PTPRD: variants seen among roughly 807,000 people sequenced by gnomAD.
The protein encoded by PTPRD is protein tyrosine phosphatase receptor type D.
A neutral mutation model predicts 214.5 loss-of-function variants in PTPRD; 34 were observed. That is an observed-to-expected ratio of 0.16 (90% CI 0.12 to 0.21). The LOEUF is 0.21. Among genes scored for constraint, PTPRD ranks in the 10% least tolerant of loss-of-function variants. The pLI is 1.00. For synonymous variants in PTPRD, 1,128 were observed against 845.7 expected (o/e 1.33, Z -5.79); for missense variants, 2,545 against 2,398.7 (o/e 1.06, Z -1.27).
At chr9:10,582,988 A>T (rs2132484515) in intron 2 of PTPRD, among the ~76,000 whole-genome samples, 1 of 152,366 alleles carries the variant, frequency 6.6e-6, no homozygotes, top group Middle Eastern at 3.4e-3. Context: ...AAAGAGCATG[A>T]ACTAATGTCT....
At chr9:8,894,513 G>A (rs531599354) in intron 11 of PTPRD, among the ~76,000 whole-genome samples, 20 of 152,230 alleles carry the variant, frequency 1.3e-4, no homozygotes, top group Non-Finnish European at 2.5e-4. Context: ...GTCAGAATGT[G>A]GGGGTTGGGG....
chr9:9,255,029 G>C (rs2099977126), intron 9 of PTPRD, among the ~76,000 whole-genome samples: 1 of 151,922 alleles, frequency 6.6e-6, no homozygotes. Context: ...AGATTTTGTG[G>C]CTACATAAAG....
intron 3 of PTPRD, among the ~76,000 whole-genome samples, chr9:10,058,221 G>C (rs1034901029): frequency 2.0e-5 from 3 of 151,932 alleles, no homozygotes; most frequent in African/African-American, 4.8e-5. Context: ...CCCCTTTTGA[G>C]TTATGTATTC....
chr9:8,699,419 C>T (rs924479090), intron 12 of PTPRD, among the ~76,000 whole-genome samples: 5 of 152,200 alleles, frequency 3.3e-5, no homozygotes, highest in African/African-American at 1.2e-4. Context: ...TCATGATAAG[C>T]ATTTGAGGAC....
At chr9:8,465,424 T>A (rs1053440138) in intron 32 of PTPRD, 42 bp downstream of exon 32, 1 of 1,560,156 alleles carries the variant, frequency 6.4e-7, no homozygotes, top group Non-Finnish European at 8.8e-7. Context: ...TGAAAATGTA[T>A]AAGCGTACCA....
At chr9:8,438,525 G>C (rs550915118) in intron 34 of PTPRD, among the ~76,000 whole-genome samples, 1 of 152,118 alleles carries the variant, frequency 6.6e-6, no homozygotes, top group Non-Finnish European at 1.5e-5. Context: ...GGAAGTGTGA[G>C]GGTGACAGTG....
At chr9:10,597,266 CA>C (rs1433956228) in intron 2 of PTPRD, among the ~76,000 whole-genome samples, 1 of 151,642 alleles carries the variant, frequency 6.6e-6, no homozygotes, top group Non-Finnish European at 1.5e-5. Context: ...AATTGTTTAT[CA>C]TATGCAAATA....
At position 9,119,884 on chromosome 9, in the gene PTPRD, T is replaced by C. The variant is rs2099815993; in HGVS notation, c.-143+63420A>G. On this transcript the variant is annotated intron_variant, in intron 10 of 45. Transcript: ENST00000381196. The stretch of plus-strand genomic sequence containing the variant: ...AGAAAGATGACTACACATGAAAGTG[T>C]ATTGTACTTGGGAGATGGACACCCT... Among the ~76,000 whole-genome samples, 5 of 152,004 alleles carry C rather than the reference T, an allele frequency of 3.3e-5. No individual in the cohort carries two copies. In the South Asian group the frequency reaches 1.0e-3, roughly 32 times the overall value.
intron 9 of PTPRD, among the ~76,000 whole-genome samples, chr9:9,199,436 A>G (rs1350681797): frequency 6.6e-6 from 1 of 152,186 alleles, no homozygotes; most frequent in Non-Finnish European, 1.5e-5. Context: ...CAGAAAACTC[A>G]AAGTCTGTAA....
At chr9:10,507,523 G>A (rs571177356) in intron 2 of PTPRD, among the ~76,000 whole-genome samples, 134 of 152,192 alleles carry the variant, frequency 8.8e-4, no homozygotes, top group African/African-American at 3.0e-3. Flanking sequence ...AAAGCTGGAG[G>A]AATCACGCTA....
At position 9,929,971 on chromosome 9, in the gene PTPRD, A is replaced by G. The variant is rs551240551; in HGVS notation, c.-368+8536T>C. On this transcript the variant is annotated intron_variant, in intron 5 of 45. Coordinates refer to ENST00000381196, the MANE Select transcript of PTPRD (RefSeq NM_002839.4). ...GAGATAATGGACAGTACTCATACTC[A>G]AGGTTATACTCATTTACCACCTAGT... 2.2e-4 allele frequency among the ~76,000 whole-genome samples: 33 copies of G among 152,298 alleles called. No homozygotes were observed. The South Asian group carries it at 6.2e-3, about 29-fold the overall frequency.
chr9:10,424,046 G>C (rs1234489471), intron 2 of PTPRD, among the ~76,000 whole-genome samples: 1 of 151,920 alleles, frequency 6.6e-6, no homozygotes, highest in Non-Finnish European at 1.5e-5. Flanking sequence ...TGTCCTGTTT[G>C]TTTCAGAAGC....
intron 14 of PTPRD, among the ~76,000 whole-genome samples, chr9:8,584,451 T>C (rs2093467268): frequency 7.2e-6 from 1 of 138,634 alleles, no homozygotes; most frequent in Non-Finnish European, 1.6e-5. Flanking sequence ...GATTAGTTAC[T>C]GAAAAAAAAA....
intron 35 of PTPRD, among the ~76,000 whole-genome samples, chr9:8,433,939 G>A (rs1042792184): frequency 6.6e-6 from 1 of 152,084 alleles, no homozygotes; most frequent in African/African-American, 2.4e-5. Context: ...AGTCTTGCAA[G>A]CTCCATTCAT....
intron 2 of PTPRD, among the ~76,000 whole-genome samples, chr9:10,385,072 T>C (rs7873950): frequency 0.84 from 127,572 of 151,802 alleles, 53,720 homozygotes; most frequent in East Asian, 0.9. Context: ...TATTTTTCAA[T>C]TTGGATTAGT....
chr9:9,003,590 A>C (rs2099434322), intron 11 of PTPRD, among the ~76,000 whole-genome samples: 1 of 152,048 alleles, frequency 6.6e-6, no homozygotes, highest in Non-Finnish European at 1.5e-5. Context: ...ATGCCAGTTA[A>C]ACAGTCATCT....
chr9:10,029,044 G>T (rs2096991864), intron 4 of PTPRD, among the ~76,000 whole-genome samples: 1 of 152,112 alleles, frequency 6.6e-6, no homozygotes, highest in South Asian at 2.1e-4. Flanking sequence ...GCTGAAAGGG[G>T]CCAACATAGA....
intron 8 of PTPRD, among the ~76,000 whole-genome samples, chr9:9,519,479 A>C (rs1314280154): frequency 6.6e-6 from 1 of 152,002 alleles, no homozygotes; most frequent in Admixed American, 6.6e-5. Flanking sequence ...GAATAAAGGC[A>C]TATATAATTG....
At chr9:8,449,864 A>C (rs932521970) in intron 33 of PTPRD, 27 bp from the exon 34 acceptor site, 4 of 1,603,132 alleles carry the variant, frequency 2.5e-6, no homozygotes, top group African/African-American at 2.7e-5. Flanking sequence ...GAAATTTAAG[A>C]AGAAAAGAAA....
Sources: allele counts gnomAD v4.1 joint callset (sites outside exome capture counted in the v4.1 genomes callset), GRCh38; gene constraint gnomAD v4.1.1; transcripts MANE v1.5; gene names NCBI Gene and HGNC (gene_info 2026-07-23, HGNC 2026-07-21).